Variants in C4orf50 observed in about 807,000 individuals in gnomAD.
The protein encoded by C4orf50 is chromosome 4 open reading frame 50.
A neutral mutation model predicts 77.2 loss-of-function variants in C4orf50; 80 were observed. That is an observed-to-expected ratio of 1.04 (90% confidence interval 0.87 to 1.25). The LOEUF (loss-of-function observed/expected upper bound fraction) is 1.25. Ranked by LOEUF, C4orf50 falls within the 50% of genes most tolerant of loss-of-function variation. C4orf50 has a pLI of 0.00. For missense variants in C4orf50, 1,257 were observed against 1,152.9 expected, an observed-to-expected ratio of 1.09 and a Z score of -1.31; for synonymous variants, 532 against 465.3, an observed-to-expected ratio of 1.14 and a Z score of -1.84.
At chr4:5,936,107 T>C (rs1718000052) in intron 7 of C4orf50, among the ~76,000 whole-genome samples, 1 of 152,068 alleles carries the variant, frequency 6.6e-6, no homozygotes, top group South Asian at 2.1e-4. Flanking sequence ...TTGGTAGTAG[T>C]TGGAACTCCC....
intron 24 of C4orf50, among the ~76,000 whole-genome samples, chr4:6,010,227 T>C (rs757163715): frequency 2.6e-5 from 4 of 152,126 alleles, no homozygotes; most frequent in African/African-American, 7.2e-5. Context: ...CCGCTCTACC[T>C]ATGATAAAAC....
chr4:5,990,133 C>G, exon 28 of C4orf50: 9 of 1,268,478 alleles, frequency 7.1e-6, no homozygotes, highest in Non-Finnish European at 8.9e-6. Flanking sequence ...GGATTCGGGA[C>G]CCTCCTTTGA....
rs1231464334 is a variant in C4orf50 at position 6,007,915 on chromosome 4, T to C, written c.963+81A>G. 9 of 398,894 alleles carry C rather than the reference T, an allele frequency of 2.3e-5. No homozygotes were observed. Among genetic ancestry groups the C allele is most frequent in the Non-Finnish European group, 3.5e-5 (8 of 226,338 alleles). The allele number at this position is 398,894 out of a possible 1,614,324, so 24.7% of individuals were successfully genotyped here. A position where few individuals can be genotyped will look rare whatever the true frequency, so the allele number is the denominator to read the frequency against. ...TAGGAAGAGGAGCCCGGGGAATGGA[T>C]GGGCCAATGACTTCACCAAGTGGCT... On this transcript the variant is annotated intron_variant, in intron 25 of 33. Transcript: ENST00000531445. This position sits in a 1 kb window ranked among gnomAD's most constrained non-coding sequence, Gnocchi z 4.1.
At chr4:6,010,496 C>G (rs1722449037) in intron 24 of C4orf50, among the ~76,000 whole-genome samples, 1 of 152,200 alleles carries the variant, frequency 6.6e-6, no homozygotes, top group Non-Finnish European at 1.5e-5. Flanking sequence ...GCTCATTATA[C>G]ACACACCTGT....
At chr4:5,941,595 A>G (rs766545440) in intron 7 of C4orf50, among the ~76,000 whole-genome samples, 7 of 152,156 alleles carry the variant, frequency 4.6e-5, no homozygotes, top group Non-Finnish European at 8.8e-5. Flanking sequence ...TGTGCCCAAT[A>G]CTTTTCTAGA....
In C4orf50 at chr4:5,908,378, T is replaced by C. The variant is rs570259096; in HGVS notation, c.*2475-10190A>G. On this transcript the variant is annotated intron_variant, in intron 7 of 7. Coordinates refer to the C4orf50 transcript ENST00000324058. The surrounding 1 kb of genome is among the most constrained non-coding windows in gnomAD (Gnocchi z 5.6). ...GCACTGCACTGCATGTGTGGGGATA[T>C]CAGAGAGGACCTCTGACTTCAACCA... 2.6e-5 allele frequency among the ~76,000 whole-genome samples: 4 copies of C among 152,230 alleles called. No homozygotes were observed. The East Asian group carries it at 7.8e-4, about 30-fold the overall frequency.
chr4:5,952,619 A>T (rs1560560066), downstream of C4orf50, among the ~76,000 whole-genome samples: 1 of 152,206 alleles, frequency 6.6e-6, no homozygotes, highest in Non-Finnish European at 1.5e-5. This position sits in a 1 kb window ranked among gnomAD's most constrained non-coding sequence, Gnocchi z 4.4. Context: ...TCCCGTCCTT[A>T]AGGGAACTTG....
At chr4:5,995,261 C>T (rs1721515590) in intron 25 of C4orf50, among the ~76,000 whole-genome samples, 1 of 152,246 alleles carries the variant, frequency 6.6e-6, no homozygotes, top group East Asian at 1.9e-4. Flanking sequence ...CATGTCCCAC[C>T]CAGGGAGGAG....
intron 7 of C4orf50, among the ~76,000 whole-genome samples, chr4:5,940,593 T>C (rs1043295344): frequency 6.6e-6 from 1 of 152,236 alleles, no homozygotes; most frequent in Non-Finnish European, 1.5e-5. Context: ...AGTGAAGGAC[T>C]GTTTGCAAAG....
intron 29 of C4orf50, among the ~76,000 whole-genome samples, chr4:5,977,889 A>G (rs2108779127): frequency 6.6e-6 from 1 of 152,368 alleles, no homozygotes; most frequent in African/African-American, 2.4e-5. Flanking sequence ...GATAACCTAC[A>G]GAATTGGAGG....
At chr4:5,971,172 C>T (rs1327372119) in intron 31 of C4orf50, among the ~76,000 whole-genome samples, 1 of 152,210 alleles carries the variant, frequency 6.6e-6, no homozygotes, top group East Asian at 1.9e-4. Flanking sequence ...TCAGAGTCTC[C>T]CCAGCCATCC....
chr4:5,977,920 T>C (rs910606391), intron 29 of C4orf50, among the ~76,000 whole-genome samples: 2 of 152,202 alleles, frequency 1.3e-5, no homozygotes, highest in African/African-American at 4.8e-5. Flanking sequence ...AAATCATATA[T>C]CTAATAAAGG....
chr4:5,946,215 GCA>G (rs1365439355), intron 7 of C4orf50, among the ~76,000 whole-genome samples: 1 of 152,138 alleles, frequency 6.6e-6, no homozygotes, highest in East Asian at 1.9e-4. Flanking sequence ...TCCCAGGAGT[GCA>G]CAGTCAGCTG....
intron 33 of C4orf50, among the ~76,000 whole-genome samples, chr4:5,960,697 C>T (rs945623677): frequency 1.3e-5 from 2 of 152,156 alleles, no homozygotes; most frequent in African/African-American, 2.4e-5. Flanking sequence ...GCCTCCAGGA[C>T]GGAAGTACTG....
intron 7 of C4orf50, among the ~76,000 whole-genome samples, chr4:5,911,854 T>G (rs1716820951): frequency 6.6e-6 from 1 of 152,186 alleles, no homozygotes; most frequent in Non-Finnish European, 1.5e-5. Flanking sequence ...GAGACCATCC[T>G]GGCCAACATG....
chr4:6,013,455 C>T lies in C4orf50; in HGVS notation c.288-1487G>A, dbSNP rs531613682. Among the ~76,000 whole-genome samples the T allele has an allele frequency of 9.2e-5, 14 of 152,286 alleles. No individual in the cohort carries two copies. In the South Asian group the frequency reaches 1.0e-3, roughly 11 times the overall value. ...TTCTGATACGATTCCTAATCTTAAA[C>T]GGAGCAGAAAATGACGAATTTCACT... On this transcript the variant is annotated intron_variant, in intron 23 of 33. Transcript: ENST00000531445.
intron 7 of C4orf50, among the ~76,000 whole-genome samples, chr4:5,923,539 T>C (rs980903508): frequency 2.0e-5 from 3 of 150,884 alleles, no homozygotes; most frequent in Non-Finnish European, 3.0e-5. Context: ...ATGGAGAGAA[T>C]GATAGAAAGG....
chr4:5,990,289 T>C lies in C4orf50; in HGVS notation c.1757A>G (p.His586Arg), dbSNP rs547910973. Residue 586 changes from histidine to arginine, a missense_variant, in exon 28 of 34, where the codon CAT (histidine) becomes CGT (arginine). His to Arg is a conservative substitution (Grantham distance 29, BLOSUM62 0). Coordinates refer to ENST00000531445, the Ensembl canonical transcript of C4orf50. ...CCCATTCTCCAAGCTCAGGTTCTGA[T>C]GGCTTTCCTGACTTAGCTGGTACTT... The C allele has an allele frequency of 5.5e-4, 643 of 1,165,000 alleles. 4 individuals carry two copies. In the African/African-American group the frequency reaches 7.6e-3, roughly 14 times the overall value. 72.2% of individuals were successfully genotyped at this position (1,165,000 alleles called of 1,614,324 possible). A position where few individuals can be genotyped will look rare whatever the true frequency, so the allele number is the denominator to read the frequency against.
chr4:5,951,703 A>G (rs1195422280), intron 7 of C4orf50, among the ~76,000 whole-genome samples: 1 of 152,156 alleles, frequency 6.6e-6, no homozygotes, highest in Non-Finnish European at 1.5e-5. Context: ...AGCTGAAGAG[A>G]GTCTGAAGTC....
Sources: gnomAD v4.1 joint callset for allele counts (sites outside exome capture counted in the v4.1 genomes callset) on GRCh38, gnomAD v4.1.1 for gene constraint, Gnocchi (gnomAD v3.1) non-coding constraint, MANE v1.5 for transcripts, NCBI Gene and HGNC (gene_info 2026-07-23, HGNC 2026-07-21) for gene names.